The following ERO1A variants were observed in gnomAD, a reference collection of about 807,000 sequenced individuals.
ERO1A encodes the protein ERO1-like protein alpha.
A neutral mutation model predicts 76.9 loss-of-function variants in ERO1A; 49 were observed. The observed-to-expected ratio is 0.64, with a 90% CI of 0.51 to 0.81. The LOEUF (loss-of-function observed/expected upper bound fraction) is 0.81, where lower values mean the gene tolerates loss of function less well. Among genes scored for constraint, ERO1A ranks in the 30% least tolerant of loss-of-function variants. The probability of loss-of-function intolerance (pLI) is 0.00; values close to 1 mark genes in which losing one functional copy is unlikely to be tolerated. For missense variants in ERO1A, 448 were observed against 542.1 expected, an observed-to-expected ratio of 0.83 and a Z score of 1.72; for synonymous variants, 174 against 181.2, an observed-to-expected ratio of 0.96 and a Z score of 0.32.
At chr14:52,646,560 C>T (rs2039664100) in intron 13 of ERO1A, 99 bp from the exon 14 acceptor site, 1 of 804,558 alleles carries the variant, frequency 1.2e-6, no homozygotes, top group Non-Finnish European at 2.0e-6. Context: ...GTGCAAGGTA[C>T]TATGGGGTAC....
At position 52,651,454 on chromosome 14, in the gene ERO1A, T is replaced by C. The variant is rs555432038; in HGVS notation, c.1125+785A>G. 8.2e-5 allele frequency among the ~76,000 whole-genome samples: 10 copies of C among 122,348 alleles called. No homozygotes were observed. In the East Asian group the frequency reaches 2.5e-3, roughly 31 times the overall value. The allele number at this position is 122,348 out of a possible 152,430, so 80.3% of individuals were successfully genotyped here. ...TTTCCTTTATTACCTCTATTTATTA[T>C]ATGAGATCATCAATGTGAAAGGCAT... On this transcript the variant is annotated intron_variant, in intron 13 of 15. Transcript: ENST00000395686.
intron 2 of ERO1A, among the ~76,000 whole-genome samples, chr14:52,682,919 C>G (rs1205225401): frequency 6.6e-6 from 1 of 151,790 alleles, no homozygotes; most frequent in African/African-American, 2.4e-5. Flanking sequence ...AAAAAAGACA[C>G]AGATTGGGCT....
At chr14:52,666,266 T>TGA (rs2040407200) in intron 7 of ERO1A, 109 bp downstream of exon 7, 1 of 808,834 alleles carries the variant, frequency 1.2e-6, no homozygotes, top group African/African-American at 1.7e-5. Context: ...TACAAACACA[T>TGA]CTTTTAACAA....
At chr14:52,672,764 C>T (rs2040646124) in intron 4 of ERO1A, among the ~76,000 whole-genome samples, 1 of 145,868 alleles carries the variant, frequency 6.9e-6, no homozygotes, top group South Asian at 2.2e-4. Flanking sequence ...AGAGACAGAC[C>T]CTGTCTCTGA....
intron 1 of ERO1A, among the ~76,000 whole-genome samples, chr14:52,692,164 TG>T (rs1474652902): frequency 6.6e-6 from 1 of 152,250 alleles, no homozygotes; most frequent in African/African-American, 2.4e-5. Context: ...CCCTAGGACT[TG>T]TTGAGCACCA....
rs1023484226 is a variant in ERO1A, at chr14:52,666,525, T to A, written c.509-30A>T. ...AAAATAAAATGTCTTATTAAACCTTTCTTATCCTCAGTTACCTTAAAAAGC... is the reference window on the plus strand; with the variant it reads ...AAAATAAAATGTCTTATTAAACCTTACTTATCCTCAGTTACCTTAAAAAGC... On this transcript the variant is annotated intron_variant, in intron 6 of 15. Transcript: ENST00000395686. 6.3e-6 allele frequency: 10 copies of A among 1,580,868 alleles called. No individual in the cohort carries two copies. In the Middle Eastern group the frequency reaches 1.0e-3, roughly 159 times the overall value.
chr14:52,669,128 TCACGTA>T (rs1230268600), intron 6 of ERO1A, among the ~76,000 whole-genome samples: 1 of 152,170 alleles, frequency 6.6e-6, no homozygotes, highest in East Asian at 1.9e-4. Context: ...TTTCTATATT[TCACGTA>T]CCATTTACAT....
chr14:52,665,316 C>T (rs1458228978), intron 7 of ERO1A, among the ~76,000 whole-genome samples: 5 of 147,856 alleles, frequency 3.4e-5, no homozygotes, highest in African/African-American at 4.9e-5. Flanking sequence ...AAAAAAAAAC[C>T]TTTAAAGTAA....
chr14:52,683,298 CAAGA>C (rs894206420), intron 2 of ERO1A, among the ~76,000 whole-genome samples: 2 of 146,978 alleles, frequency 1.4e-5, no homozygotes, highest in African/African-American at 5.2e-5. Context: ...TCTTTTCAAA[CAAGA>C]AAGAGTTAAC....
In ERO1A at chr14:52,682,364, C is replaced by A; in HGVS notation, c.279G>T (p.Gln93His). The A allele has an allele frequency of 6.2e-7, 1 of 1,612,186 alleles. No individual in the cohort carries two copies. Among genetic ancestry groups the A allele is most frequent in the Non-Finnish European group, 8.5e-7 (1 of 1,178,886 alleles). The change falls in exon 3 of 16, where the codon CAG becomes CAT. Residue 93 changes from glutamine (Q) to histidine (H), a missense_variant. Coordinates refer to ENST00000395686, the MANE Select transcript of ERO1A (RefSeq NM_014584.3). The part of the protein sequence containing the change: ...RPCPFWNDIS[Q>H]CGRRDCAVKP... ...TGACAGCACAGTCCCTTCTTCCACA[C>A]TGGCTGATGTCATTCCAGAAAGGAC...
At chr14:52,661,628 G>A (rs1162891285) in intron 8 of ERO1A, among the ~76,000 whole-genome samples, 1 of 152,064 alleles carries the variant, frequency 6.6e-6, no homozygotes, top group Admixed American at 6.5e-5. Context: ...AAGGACCTAC[G>A]TTTACTTGGC....
chr14:52,654,945 T>C (rs1170646095), intron 11 of ERO1A, among the ~76,000 whole-genome samples: 3 of 152,234 alleles, frequency 2.0e-5, no homozygotes, highest in East Asian at 1.9e-4. Flanking sequence ...AAATTGGTTT[T>C]AACTAGAGAG....
intron 8 of ERO1A, 32 bp from the exon 9 acceptor site, chr14:52,661,336 A>G: frequency 7.0e-7 from 1 of 1,420,490 alleles, no homozygotes; most frequent in East Asian, 2.6e-5. Context: ...TTATTAAAAT[A>G]AATTCCTTCC....
Position 52,653,177 on chromosome 14 carries a change from G to A in ERO1A, c.947C>T (p.Ser316Phe). The A allele has an allele frequency of 6.2e-7, 1 of 1,613,612 alleles. No individual in the cohort carries two copies. The highest frequency in any genetic ancestry group is 1.1e-5 in the South Asian group (1 of 91,054). Reference sequence around the variant, plus strand: ...GCGCTCGAAGAATGGTAACACTTTGGATAAAGCCCTTAGTTCTATTAAGTA... The same window carrying A: ...GCGCTCGAAGAATGGTAACACTTTGAATAAAGCCCTTAGTTCTATTAAGTA... ...FLYLIELRAL[S>F]KVLPFFERPD... is the part of the protein sequence containing the mutation. The change falls in exon 12 of 16, where the codon TCC becomes TTC. Residue 316 changes from serine to phenylalanine, a missense_variant. By Grantham distance (155) the Ser-to-Phe change is radical. This residue lies in a region of ERO1A where 302 missense variants were observed against 411.9 expected (regional missense o/e 0.73). Transcript: ENST00000395686.
At chr14:52,683,079 G>A (rs1289162859) in intron 2 of ERO1A, among the ~76,000 whole-genome samples, 2 of 152,026 alleles carry the variant, frequency 1.3e-5, no homozygotes, top group African/African-American at 4.8e-5. Context: ...GTGGTGGCAG[G>A]TGCCTGTAAT....
At position 52,652,340 on chromosome 14, in the gene ERO1A, A is replaced by G. The variant is rs371834355; in HGVS notation, c.1056-32T>C. 2.1e-6 allele frequency: 3 copies of G among 1,445,388 alleles called. No individual in the cohort carries two copies. The African/African-American group carries it at 4.2e-5, about 20-fold the overall frequency. 89.5% of individuals were successfully genotyped at this position (1,445,388 alleles called of 1,614,324 possible). A position where few individuals can be genotyped will look rare whatever the true frequency, so the allele number is the denominator to read the frequency against. On this transcript the variant is annotated intron_variant, in intron 12 of 15. Coordinates refer to ENST00000395686, the MANE Select transcript of ERO1A (RefSeq NM_014584.3). ...TTTAAAACAGAGAATATTCATTTTCATGTGTTATAAATATTAAAAGTCCTG... is the reference window on the plus strand; with the variant it reads ...TTTAAAACAGAGAATATTCATTTTCGTGTGTTATAAATATTAAAAGTCCTG...
At chr14:52,686,860 G>A (rs2041192854) in intron 1 of ERO1A, among the ~76,000 whole-genome samples, 5 of 151,266 alleles carry the variant, frequency 3.3e-5, no homozygotes, top group Admixed American at 3.3e-4. Context: ...GGGTGACAGA[G>A]CGAGACTCCA....
chr14:52,646,296 GA>G lies in ERO1A; in HGVS notation c.1213-10del. ...GTGCCCAAACCCTGAGTCTGTAATA[GA>G]AATAAGGAAAAAAGAAAAATTAGAA... On this transcript the variant is annotated splice_polypyrimidine_tract_variant and intron_variant, in intron 14 of 15. Coordinates refer to ENST00000395686, the MANE Select transcript of ERO1A (RefSeq NM_014584.3). 1 of 1,598,740 alleles carries G rather than the reference GA, an allele frequency of 6.3e-7. No homozygotes were observed.
At chr14:52,687,303 G>A (rs1227716616) in intron 1 of ERO1A, among the ~76,000 whole-genome samples, 2 of 152,086 alleles carry the variant, frequency 1.3e-5, no homozygotes, top group African/African-American at 4.8e-5. Flanking sequence ...GGTGGCATAC[G>A]CCTGCAGTCC....
Sources: allele counts gnomAD v4.1 joint callset (sites outside exome capture counted in the v4.1 genomes callset), GRCh38; gene constraint gnomAD v4.1.1; regional missense constraint gnomAD v4.1.1; transcripts MANE v1.5; gene names NCBI Gene and HGNC (gene_info 2026-07-23, HGNC 2026-07-21).